Variants in RCC1L observed in about 807,000 individuals in gnomAD.
RCC1L encodes the protein RCC1-like G exchanging factor-like protein.
In RCC1L, 46 loss-of-function variants were observed where a neutral mutation model predicts 58.6. The observed-to-expected ratio is 0.79, with a 90% confidence interval of 0.62 to 1.00. The LOEUF is 1.00. Ranked by LOEUF, RCC1L falls within the 50% of genes least tolerant of loss-of-function variation. The probability of loss-of-function intolerance (pLI) is 0.00; values close to 1 mark genes in which losing one functional copy is unlikely to be tolerated. For missense variants in RCC1L, 636 were observed against 623.6 expected, an observed-to-expected ratio of 1.02 and a Z score of -0.21; for synonymous variants, 281 against 262.9, an observed-to-expected ratio of 1.07 and a Z score of -0.67.
intron 10 of RCC1L, among the ~76,000 whole-genome samples, chr7:75,030,423 G>C (rs1805269469): frequency 6.6e-6 from 1 of 152,184 alleles, no homozygotes; most frequent in Non-Finnish European, 1.5e-5. Flanking sequence ...AGGGGAGAGG[G>C]TGGGGCGTCT....
At chr7:75,064,494 C>T (rs907154933) in intron 4 of RCC1L, 88 bp downstream of exon 4, 23 of 1,482,682 alleles carry the variant, frequency 1.6e-5, no homozygotes, top group African/African-American at 6.9e-5. Flanking sequence ...TGCCTCTGAC[C>T]GCCCCGCGGG....
intron 9 of RCC1L, among the ~76,000 whole-genome samples, chr7:75,053,560 G>A (rs1219134190): frequency 2.0e-5 from 3 of 152,134 alleles, no homozygotes; most frequent in South Asian, 2.1e-4. Context: ...GGCCAGAGAC[G>A]GAACAGACAG....
intron 10 of RCC1L, among the ~76,000 whole-genome samples, chr7:75,036,801 G>GAGGC (rs1390696849): frequency 1.3e-5 from 2 of 152,138 alleles, no homozygotes; most frequent in Non-Finnish European, 2.9e-5. Context: ...TCGGGAGGCT[G>GAGGC]AGGCAGGAGA....
intron 10 of RCC1L, among the ~76,000 whole-genome samples, 173 bp downstream of exon 10, chr7:75,052,536 CCA>C (rs1396054056): frequency 3.3e-5 from 5 of 152,224 alleles, no homozygotes; most frequent in Non-Finnish European, 7.3e-5. Context: ...ATGGGTGTCA[CCA>C]CAGAGTGTGC....
chr7:75,058,241 T>A, intron 7 of RCC1L: 1 of 313,728 alleles, frequency 3.2e-6, no homozygotes, highest in Non-Finnish European at 6.0e-6. Context: ...CCAGCCTATT[T>A]GCTCTTTTTT....
chr7:75,066,622 G>A, intron 3 of RCC1L, 42 bp downstream of exon 3: 1 of 1,605,476 alleles, frequency 6.2e-7, no homozygotes, highest in Non-Finnish European at 8.5e-7. Context: ...ACAGTGAAAT[G>A]GTCCCTGCAC....
At chr7:75,059,565 C>A (rs1806208826) in intron 6 of RCC1L, among the ~76,000 whole-genome samples, 1 of 152,004 alleles carries the variant, frequency 6.6e-6, no homozygotes, top group Non-Finnish European at 1.5e-5. Flanking sequence ...AGCCACTGCG[C>A]CTGGTCTAAA....
At chr7:75,048,467 G>T (rs978350489) in intron 10 of RCC1L, among the ~76,000 whole-genome samples, 1 of 152,210 alleles carries the variant, frequency 6.6e-6, no homozygotes, top group Non-Finnish European at 1.5e-5. Flanking sequence ...GAGCTCAGGG[G>T]CCGTGAGACC....
In RCC1L at chr7:75,027,693, G is replaced by A. The variant is rs1011351037; in HGVS notation, c.*339C>T. On this transcript the variant is annotated 3_prime_UTR_variant, in exon 11 of 11. Coordinates refer to the RCC1L transcript ENST00000614461. ...TGGTCCCTGTTCAAGCCCGCTCCGT[G>A]GGAGCTGCCCCCTGGGGACCCTGCT... is the stretch of plus-strand genomic sequence containing the variant. The A allele has an allele frequency of 7.3e-4, 270 of 367,456 alleles. 7 individuals carry two copies. Among genetic ancestry groups the A allele is most frequent in the South Asian group, 3.8e-3 (159 of 41,794 alleles). 22.8% of individuals were successfully genotyped at this position (367,456 alleles called of 1,614,324 possible). A position where few individuals can be genotyped will look rare whatever the true frequency, so the allele number is the denominator to read the frequency against.
In RCC1L at chr7:75,070,701, G is replaced by A; in HGVS notation, c.393C>T (p.Val131=). The A allele has an allele frequency of 1.2e-6, 2 of 1,614,112 alleles. No homozygotes were observed. Among genetic ancestry groups the A allele is most frequent in the Admixed American group, 1.7e-5 (1 of 60,008 alleles). ...LSSKTADVTK[V]WGMGLNKDSQ... is the part of the protein sequence containing the mutation. ...AATCTTTGTTGAGTCCCATCCCCCA[G>A]ACTTTCGTAACATCCGCAGTCTTAG... Residue 131 remains valine, a synonymous_variant, in exon 2 of 11, where the codon GTC becomes GTT. Coordinates refer to ENST00000610322, the MANE Select transcript of RCC1L (RefSeq NM_030798.5).
chr7:75,051,317 C>CAT (rs1298669405), intron 10 of RCC1L, among the ~76,000 whole-genome samples: 13 of 148,356 alleles, frequency 8.8e-5, no homozygotes, highest in East Asian at 3.9e-4. Flanking sequence ...TATATACACA[C>CAT]ATATATACAC....
In RCC1L at chr7:75,058,711, T is replaced by C. The variant is rs1806166774; in HGVS notation, c.846A>G (p.Gly282=). 1 of 1,613,968 alleles carries C rather than the reference T, an allele frequency of 6.2e-7. No individual in the cohort carries two copies. The highest frequency in any genetic ancestry group is 1.3e-5 in the African/African-American group (1 of 75,040). ...AGGTGGCAACTTGGATAACGTTCAC[T>C]CCCGCCAGGTCTCCACCCAGCTTGG... ...SPTKLGGDLA[G]VNVIQVATYG... Residue 282 remains glycine (G), a synonymous_variant, in exon 7 of 11, where the codon GGA becomes GGG. Coordinates refer to ENST00000610322, the MANE Select transcript of RCC1L (RefSeq NM_030798.5).
At chr7:75,034,236 C>T (rs1197548741) in intron 10 of RCC1L, among the ~76,000 whole-genome samples, 1 of 152,174 alleles carries the variant, frequency 6.6e-6, no homozygotes, top group Non-Finnish European at 1.5e-5. Context: ...GTGATTGCAG[C>T]TGGGCGTGGT....
chr7:75,041,282 C>A (rs1047188238), downstream of RCC1L, among the ~76,000 whole-genome samples: 1 of 152,088 alleles, frequency 6.6e-6, no homozygotes, highest in Non-Finnish European at 1.5e-5. Context: ...ATCCTCTCCT[C>A]CTGCTTTCTC....
intron 1 of RCC1L, among the ~76,000 whole-genome samples, chr7:75,072,149 CATATACATATACATATATATATAT>C: frequency 2.8e-5 from 1 of 35,900 alleles, no homozygotes; most frequent in South Asian, 1.2e-3. Context: ...TATACATATA[CATATACATATACATATATATATAT>C]ATATATATAT....
intron 10 of RCC1L, among the ~76,000 whole-genome samples, chr7:75,052,395 T>G (rs891716546): frequency 9.2e-5 from 14 of 152,300 alleles, no homozygotes; most frequent in Middle Eastern, 6.8e-3. Context: ...TAGGACTGGA[T>G]GCTTGAGTGG....
intron 8 of RCC1L, 49 bp from the exon 9 acceptor site, chr7:75,056,123 C>G: frequency 6.2e-7 from 1 of 1,607,290 alleles, no homozygotes; most frequent in Non-Finnish European, 8.5e-7. Context: ...AAGTAAGAAC[C>G]TCCCTCACCA....
In RCC1L at chr7:75,061,320, G is replaced by T; in HGVS notation, c.703-29C>A. The T allele has an allele frequency of 2.5e-6, 4 of 1,599,298 alleles. 1 individual carries two copies. The South Asian group carries it at 4.4e-5, about 18-fold the overall frequency. On this transcript the variant is annotated intron_variant, in intron 5 of 10. Transcript: ENST00000610322. ...GCAGACAAACAGAGGTAAGGGGGAT[G>T]AGAGGAAATACTTAGAACCCTGGTG...
At chr7:75,042,087 T>A, downstream of RCC1L, 1 of 741,036 alleles carries the variant, frequency 1.3e-6, no homozygotes, top group Non-Finnish European at 1.6e-6. Flanking sequence ...TCTATAAAAG[T>A]ATTTTTCACT....
Sources: allele counts gnomAD v4.1 joint callset (sites outside exome capture counted in the v4.1 genomes callset), GRCh38; gene constraint gnomAD v4.1.1; transcripts MANE v1.5; gene names NCBI Gene and HGNC (gene_info 2026-07-23, HGNC 2026-07-21).